EPHA4: variants seen among roughly 807,000 people sequenced by gnomAD.
EPHA4 encodes the protein EPH receptor A4.
In EPHA4, 19 loss-of-function variants were observed where a neutral mutation model predicts 108.3. The ratio of observed to expected loss-of-function variants is 0.18; its 90% CI spans 0.12 to 0.26. EPHA4 has a LOEUF of 0.26. Among genes scored for constraint, EPHA4 ranks in the 10% least tolerant of loss-of-function variants. EPHA4 has a pLI of 1.00. For missense variants in EPHA4, 917 were observed against 1,254.0 expected (o/e 0.73, Z 4.06); for synonymous variants, 449 against 455.5 (o/e 0.99, Z 0.18).
chr2:221,533,725 CAAAAAAA>C (rs144676444), intron 3 of EPHA4, among the ~76,000 whole-genome samples: 2 of 63,518 alleles, frequency 3.1e-5, no homozygotes, highest in South Asian at 8.1e-4. Context: ...TGACTAGTGT[CAAAAAAA>C]AAAAAAAAAA....
chr2:221,504,983 T>G (rs1225068737), intron 3 of EPHA4, among the ~76,000 whole-genome samples: 4 of 152,144 alleles, frequency 2.6e-5, no homozygotes, highest in Non-Finnish European at 5.9e-5. Flanking sequence ...TCTGGGCTGG[T>G]CCCAACTTCT....
chr2:221,526,323 A>G (rs757526299), intron 3 of EPHA4, among the ~76,000 whole-genome samples: 1 of 152,216 alleles, frequency 6.6e-6, no homozygotes, highest in African/African-American at 2.4e-5. Context: ...AAACTGGGGC[A>G]TATACAGTTA....
chr2:221,460,818 C>T (rs747663013), intron 5 of EPHA4, among the ~76,000 whole-genome samples: 4 of 152,178 alleles, frequency 2.6e-5, no homozygotes, highest in Admixed American at 1.3e-4. Flanking sequence ...CAATTTTCCC[C>T]CTACCGCAGT....
intron 11 of EPHA4, among the ~76,000 whole-genome samples, chr2:221,440,562 G>A (rs1690389896): frequency 6.6e-6 from 1 of 150,848 alleles, no homozygotes. Context: ...GCTAATTATA[G>A]CCTTCACCTT....
At chr2:221,435,539 C>A (rs1024175311) in intron 13 of EPHA4, among the ~76,000 whole-genome samples, 11 of 152,058 alleles carry the variant, frequency 7.2e-5, no homozygotes, top group Admixed American at 2.0e-4. Flanking sequence ...CTTGGGATTG[C>A]AGATGCAAAA....
chr2:221,531,834 T>C (rs567774503), intron 3 of EPHA4, among the ~76,000 whole-genome samples: 44 of 152,342 alleles, frequency 2.9e-4, no homozygotes, highest in Non-Finnish European at 4.6e-4. Context: ...TTCTTGTTTT[T>C]GTGCGAAGGC....
chr2:221,503,528 C>T (rs564708717), intron 3 of EPHA4, among the ~76,000 whole-genome samples: 2 of 152,282 alleles, frequency 1.3e-5, no homozygotes, highest in African/African-American at 4.8e-5. Context: ...GAAAAAAGTG[C>T]ATTTGCAAGT....
chr2:221,499,222 AAAATAT>A (rs1164031685), intron 4 of EPHA4, among the ~76,000 whole-genome samples: 3 of 147,946 alleles, frequency 2.0e-5, no homozygotes, highest in Non-Finnish European at 3.0e-5. Flanking sequence ...GAAATAATAT[AAAATAT>A]AAATATAATA....
At chr2:221,472,224 C>G (rs547646757) in intron 5 of EPHA4, among the ~76,000 whole-genome samples, 1 of 145,950 alleles carries the variant, frequency 6.9e-6, no homozygotes, top group Non-Finnish European at 1.5e-5. Flanking sequence ...GTGGTCCTAG[C>G]TTTGAAAAAG....
At position 221,446,119 on chromosome 2, in the gene EPHA4, G is replaced by A; in HGVS notation, c.1774+4C>T. ...ATAGAATTTTTTAATCCAATTTTTT[G>A]TACCTTGATTCAAATGTTTCTCTTC... is the stretch of plus-strand genomic sequence containing the variant. On this transcript the variant is annotated splice_donor_region_variant and intron_variant, in intron 9 of 17. Coordinates refer to ENST00000281821, the MANE Select transcript of EPHA4 (RefSeq NM_004438.5). 1.3e-6 allele frequency: 2 copies of A among 1,530,672 alleles called. No homozygotes were observed. The highest frequency in any genetic ancestry group is 1.8e-6 in the Non-Finnish European group (2 of 1,140,786). The allele number at this position is 1,530,672 out of a possible 1,614,324, so 94.8% of individuals were successfully genotyped here. A position where few individuals can be genotyped will look rare whatever the true frequency, so the allele number is the denominator to read the frequency against.
chr2:221,436,594 T>A lies in EPHA4; in HGVS notation c.2151A>T (p.Arg717Ser), dbSNP rs1207145160. Residue 717 changes from arginine to serine, a missense_variant, in exon 13 of 18, where the codon AGA becomes AGT. Coordinates refer to ENST00000281821, the MANE Select transcript of EPHA4 (RefSeq NM_004438.5). ...TGCCCACCAGCTGAATGACTGTAAA[T>A]CTGCCATCATTTTTCTGCATAGAAA... ...LDAFLRKNDGRFTVIQLVGML... is the reference protein window; with the variant it reads ...LDAFLRKNDGSFTVIQLVGML... 1 of 1,614,012 alleles carries A rather than the reference T, an allele frequency of 6.2e-7. No individual in the cohort carries two copies. Among genetic ancestry groups the A allele is most frequent in the Non-Finnish European group, 8.5e-7 (1 of 1,180,028 alleles).
chr2:221,436,497 G>A lies in EPHA4; in HGVS notation c.2248C>T (p.Arg750Trp), dbSNP rs771507400. Residue 750 changes from arginine (R) to tryptophan (W), a missense_variant, in exon 13 of 18, where the codon CGG (arginine) becomes TGG (tryptophan). Transcript: ENST00000281821. Reference protein sequence around the residue: ...MSYVHRDLAARNILVNSNLVC... With the variant: ...MSYVHRDLAAWNILVNSNLVC... ...AAGTTGCTGTTCACCAGGATGTTCC[G>A]TGCGGCCAGATCACGATGCACATAG... The A allele has an allele frequency of 2.5e-6, 4 of 1,614,122 alleles. No homozygotes were observed. Among genetic ancestry groups the A allele is most frequent in the Non-Finnish European group, 2.5e-6 (3 of 1,180,022 alleles).
chr2:221,518,440 C>T (rs982492030), intron 3 of EPHA4, among the ~76,000 whole-genome samples: 1 of 152,148 alleles, frequency 6.6e-6, no homozygotes, highest in Non-Finnish European at 1.5e-5. Context: ...CTCTCAGATC[C>T]ATAGCAGCTG....
chr2:221,455,721 T>C (rs1199915615), intron 7 of EPHA4, 63 bp from the exon 8 acceptor site: 7 of 1,204,034 alleles, frequency 5.8e-6, no homozygotes, highest in Non-Finnish European at 8.5e-6. Context: ...AACTTCTGAA[T>C]GGGTCACAGT....
intron 5 of EPHA4, among the ~76,000 whole-genome samples, chr2:221,467,903 C>A (rs779132867): frequency 3.3e-5 from 5 of 152,134 alleles, no homozygotes; most frequent in Non-Finnish European, 5.9e-5. Context: ...AGTAAGAATG[C>A]CAGTTTGAGG....
Position 221,430,258 on chromosome 2 carries a change from G to A in EPHA4, c.2497-107C>T, listed in dbSNP as rs941495067. On this transcript the variant is annotated intron_variant, in intron 14 of 17. Transcript: ENST00000281821. The stretch of plus-strand genomic sequence containing the variant: ...TGTGCATGAAGCTGCCAGCAAGCTG[G>A]AGCCTGGGAACAGCTCCAACTCCTT... 9 of 1,188,868 alleles carry A rather than the reference G, an allele frequency of 7.6e-6. No individual in the cohort carries two copies. The Admixed American group carries it at 1.2e-4, about 16-fold the overall frequency. The allele number at this position is 1,188,868 out of a possible 1,614,324, so 73.6% of individuals were successfully genotyped here. A position where few individuals can be genotyped will look rare whatever the true frequency, so the allele number is the denominator to read the frequency against.
At chr2:221,548,937 A>T (rs893150619) in intron 3 of EPHA4, among the ~76,000 whole-genome samples, 1 of 152,158 alleles carries the variant, frequency 6.6e-6, no homozygotes, top group African/African-American at 2.4e-5. Flanking sequence ...ACCAGGATTT[A>T]CCGCTCAGGG....
chr2:221,464,224 A>T lies in EPHA4; in HGVS notation c.1319-6234T>A, dbSNP rs192782186. 1.6e-4 allele frequency among the ~76,000 whole-genome samples: 25 copies of T among 152,326 alleles called. No individual in the cohort carries two copies. The East Asian group carries it at 3.7e-3, about 22-fold the overall frequency. On this transcript the variant is annotated intron_variant, in intron 5 of 17. Transcript: ENST00000281821. ...AGGGGTCTTTCATTGATAGAAAAAT[A>T]TAAACCCACCATTTATACATATCTC...
In EPHA4 at chr2:221,457,846, G is replaced by A. The variant is rs1691010102; in HGVS notation, c.1443+20C>T. On this transcript the variant is annotated intron_variant, in intron 6 of 17. Transcript: ENST00000281821. ...GAAGGAAGGAAGAAAGGAAAGGAGT[G>A]TTGTTCACTCAAGTAATACCTTCTC... is the stretch of plus-strand genomic sequence containing the variant. The A allele has an allele frequency of 6.2e-7, 1 of 1,609,322 alleles. No individual in the cohort carries two copies. Among genetic ancestry groups the A allele is most frequent in the South Asian group, 1.1e-5 (1 of 90,456 alleles).
Sources: allele counts gnomAD v4.1 joint callset (sites outside exome capture counted in the v4.1 genomes callset), GRCh38; gene constraint gnomAD v4.1.1; transcripts MANE v1.5; gene names NCBI Gene and HGNC (gene_info 2026-07-23, HGNC 2026-07-21).